ZNF208: variants seen among roughly 807,000 people sequenced by gnomAD.
ZNF208 encodes zinc finger protein 208.
In ZNF208, 10 loss-of-function variants were observed where a neutral mutation model predicts 12.1. The ratio of observed to expected loss-of-function variants is 0.83; its 90% CI spans 0.51 to 1.40. ZNF208 has a LOEUF of 1.40. Among genes scored for constraint, ZNF208 ranks in the 40% most tolerant of loss-of-function variants. The pLI, the probability that ZNF208 is intolerant of heterozygous loss-of-function variation, is 0.00. For synonymous variants in ZNF208, 497 were observed against 488.4 expected (o/e 1.02, Z -0.23); for missense variants, 1,652 against 1,485.0 (o/e 1.11, Z -1.85).
chr19:21,943,308 T>C (rs1373997102), intron 4 of ZNF208, among the ~76,000 whole-genome samples: 4 of 152,122 alleles, frequency 2.6e-5, no homozygotes, highest in African/African-American at 9.7e-5. Context: ...AAAAATCCTT[T>C]AAAATGTAAA....
At chr19:21,941,574 C>CTT (rs200054294) in intron 4 of ZNF208, 6,797 of 337,590 alleles carry the variant, frequency 0.02, 374 homozygotes, top group African/African-American at 0.14. Context: ...CATGCTTTAG[C>CTT]TTTTTTTTTT....
At chr19:21,948,670 TG>T (rs1174613731) in intron 4 of ZNF208, among the ~76,000 whole-genome samples, 2 of 152,168 alleles carry the variant, frequency 1.3e-5, no homozygotes, top group African/African-American at 4.8e-5. Flanking sequence ...CTAATGACCC[TG>T]ATACATATAT....
chr19:21,949,969 A>G (rs182918810), intron 4 of ZNF208, among the ~76,000 whole-genome samples: 39 of 152,338 alleles, frequency 2.6e-4, no homozygotes, highest in African/African-American at 8.4e-4. Context: ...GTCTGGTTAA[A>G]AACCTGCCCT....
intron 1 of ZNF208, 90 bp downstream of exon 1, chr19:22,010,702 C>A (rs1376262878): frequency 6.3e-7 from 1 of 1,592,832 alleles, no homozygotes; most frequent in Non-Finnish European, 8.6e-7. Context: ...GAGCTGACTG[C>A]GGGGAGGCCT....
chr19:21,955,627 T>C (rs567565310), intron 4 of ZNF208, among the ~76,000 whole-genome samples: 2 of 152,356 alleles, frequency 1.3e-5, no homozygotes, highest in East Asian at 3.9e-4. Context: ...AATTGGCTAC[T>C]GAAACTTATG....
chr19:21,972,597 T>C lies in ZNF208; in HGVS notation c.2437A>G (p.Thr813Ala), dbSNP rs377009355. Residue 813 changes from threonine to alanine, a missense_variant, in exon 4 of 4, where the codon ACC (threonine) becomes GCC (alanine). Coordinates refer to ENST00000397126, the MANE Select transcript of ZNF208 (RefSeq NM_007153.3). ...KPYKCEECGK[T>A]FSKVSTLTTH... ...GTAAGGGTTGAGACCTTACTAAAGG[T>C]TTTGCCACATTCTTCACATTTGTAG... 4.4e-6 allele frequency: 7 copies of C among 1,605,370 alleles called. No individual in the cohort carries two copies. Among genetic ancestry groups the C allele is most frequent in the Admixed American group, 3.4e-5 (2 of 59,230 alleles).
intron 3 of ZNF208, among the ~76,000 whole-genome samples, chr19:21,976,601 C>T (rs1970434600): frequency 1.3e-5 from 2 of 152,102 alleles, no homozygotes; most frequent in African/African-American, 4.8e-5. Flanking sequence ...ACTTTTGTTG[C>T]CCAGGCTGGA....
At chr19:21,964,389 C>T (rs1331537521), downstream of ZNF208, among the ~76,000 whole-genome samples, 1 of 151,674 alleles carries the variant, frequency 6.6e-6, no homozygotes, top group East Asian at 1.9e-4. Context: ...TCTAAAGCAA[C>T]TGTTTAGAGT....
In ZNF208 at chr19:21,945,396, G is replaced by T. The variant is rs373524895; in HGVS notation, c.306-12159C>A. 2.6e-5 allele frequency among the ~76,000 whole-genome samples: 4 copies of T among 152,032 alleles called. No homozygotes were observed. The East Asian group carries it at 7.7e-4, about 29-fold the overall frequency. On this transcript the variant is annotated intron_variant, in intron 4 of 4. Coordinates refer to the ZNF208 transcript ENST00000599916. ...TTGTTTAAATTTTTTTGAAACTAAGGCAACAACTGAGGTTTCAGAAAAGCC... is the reference window on the plus strand; with the variant it reads ...TTGTTTAAATTTTTTTGAAACTAAGTCAACAACTGAGGTTTCAGAAAAGCC...
In ZNF208 at chr19:21,972,814, C is replaced by T; in HGVS notation, c.2220G>A (p.Lys740=). 2.5e-6 allele frequency: 4 copies of T among 1,612,226 alleles called. No homozygotes were observed. The highest frequency in any genetic ancestry group is 2.2e-5 in the East Asian group (1 of 44,772). The change falls in exon 4 of 4, where the codon AAG becomes AAA. Residue 740 remains lysine (K), a synonymous_variant. Coordinates refer to ENST00000397126, the MANE Select transcript of ZNF208 (RefSeq NM_007153.3). ...AGGGTTTCTCTCCAGTATGAATTAC[C>T]TTATGTTTAGTAAGGACTGAGAATG... ...FSTFSVLTKH[K]VIHTGEKPYK...
Position 21,980,305 on chromosome 19 carries a change from C to T in ZNF208, c.227-5498G>A, listed in dbSNP as rs536598692. On this transcript the variant is annotated intron_variant, in intron 3 of 3. Transcript: ENST00000397126. ...CGGCACCACATCACTCTTAAATTGA[C>T]AACATACTTGGAAGTAAAATACTCC... is the stretch of plus-strand genomic sequence containing the variant. 2.4e-3 allele frequency among the ~76,000 whole-genome samples: 322 copies of T among 131,974 alleles called. 2 individuals are homozygous for T. Among genetic ancestry groups the T allele is most frequent in the Middle Eastern group, 3.8e-3 (1 of 266 alleles). 86.6% of individuals were successfully genotyped at this position (131,974 alleles called of 152,430 possible).
intron 4 of ZNF208, among the ~76,000 whole-genome samples, chr19:21,960,928 G>A (rs950818268): frequency 1.3e-5 from 2 of 152,178 alleles, no homozygotes; most frequent in Admixed American, 6.5e-5. Context: ...TGAAGATGAT[G>A]AGAATGAAGA....
At chr19:22,003,927 C>A (rs1970999761) in intron 1 of ZNF208, among the ~76,000 whole-genome samples, 1 of 151,634 alleles carries the variant, frequency 6.6e-6, no homozygotes, top group Admixed American at 6.6e-5. Flanking sequence ...TCCAGCACTT[C>A]GGGGGATGAG....
chr19:21,959,464 T>C (rs1970028772), intron 4 of ZNF208, among the ~76,000 whole-genome samples: 2 of 152,202 alleles, frequency 1.3e-5, no homozygotes, highest in Admixed American at 1.3e-4. Context: ...CATATCGCTG[T>C]TATAATAGTG....
At chr19:21,950,596 C>A (rs1231159095) in intron 4 of ZNF208, among the ~76,000 whole-genome samples, 1 of 151,580 alleles carries the variant, frequency 6.6e-6, no homozygotes, top group East Asian at 1.9e-4. Context: ...TGGGTTCAAG[C>A]AATTCTCCTG....
chr19:22,007,055 A>G lies in ZNF208; in HGVS notation c.3+3737T>C, dbSNP rs146635468. Among the ~76,000 whole-genome samples, 1,164 of 152,294 alleles carry G rather than the reference A, an allele frequency of 7.6e-3. 9 individuals are homozygous for G. The highest frequency in any genetic ancestry group is 0.026 in the African/African-American group (1,090 of 41,566). ...TGCAAATTCACCCTGCAAGAAAAGAAACTGATGTTTTCACGAATCTGTGTA... is the reference window on the plus strand; with the variant it reads ...TGCAAATTCACCCTGCAAGAAAAGAGACTGATGTTTTCACGAATCTGTGTA... On this transcript the variant is annotated intron_variant, in intron 1 of 3. Coordinates refer to ENST00000397126, the MANE Select transcript of ZNF208 (RefSeq NM_007153.3).
chr19:22,006,590 C>T (rs1366861379), intron 1 of ZNF208, among the ~76,000 whole-genome samples: 2 of 152,132 alleles, frequency 1.3e-5, no homozygotes, highest in African/African-American at 2.4e-5. Flanking sequence ...ACTATAGAGG[C>T]TTCTTCCATG....
chr19:21,996,314 GA>G (rs1156881684), intron 1 of ZNF208, among the ~76,000 whole-genome samples: 10 of 152,136 alleles, frequency 6.6e-5, no homozygotes, highest in African/African-American at 2.4e-4. Context: ...TTGGTTGTGA[GA>G]AATTCTTATT....
rs1305308568 is a variant in ZNF208, at chr19:21,974,174, C to A, written c.860G>T (p.Cys287Phe). 7.5e-6 allele frequency: 12 copies of A among 1,604,122 alleles called. No individual in the cohort carries two copies. The highest frequency in any genetic ancestry group is 1.3e-5 in the African/African-American group (1 of 74,654). Reference protein sequence around the residue: ...IIHTGEKPNKCEECGKAFSKV... With the variant: ...IIHTGEKPNKFEECGKAFSKV... Reference sequence around the variant, plus strand: ...ACTAAAGGCTTTGCCACATTCTTCACATTTGTTGGGTTTCTCTCCAGTATG... The same window carrying A: ...ACTAAAGGCTTTGCCACATTCTTCAAATTTGTTGGGTTTCTCTCCAGTATG... The change falls in exon 4 of 4, where the codon TGT (cysteine) becomes TTT (phenylalanine). Residue 287 changes from cysteine to phenylalanine, a missense_variant. Cys to Phe is a radical substitution (Grantham distance 205, BLOSUM62 -2). Coordinates refer to ENST00000397126, the MANE Select transcript of ZNF208 (RefSeq NM_007153.3).
Sources: allele counts gnomAD v4.1 joint callset (sites outside exome capture counted in the v4.1 genomes callset), GRCh38; gene constraint gnomAD v4.1.1; transcripts MANE v1.5; gene names NCBI Gene and HGNC (gene_info 2026-07-23, HGNC 2026-07-21).